The following CSMD1 variants were observed in gnomAD, a reference collection of about 807,000 sequenced individuals.
CSMD1 encodes the protein CUB and Sushi multiple domains 1.
Under a neutral mutation model 417.5 loss-of-function variants are expected in CSMD1, and 213 were observed. The observed-to-expected ratio is 0.51, with a 90% CI of 0.46 to 0.57. CSMD1 has a LOEUF of 0.57. Among genes scored for constraint, CSMD1 ranks in the 20% least tolerant of loss-of-function variants. CSMD1 has a pLI of 0.00. For synonymous variants in CSMD1, 2,862 were observed against 1,736.8 expected (o/e 1.65, Z -16.11); for missense variants, 6,923 against 4,529.7 (o/e 1.53, Z -15.17).
At chr8:4,331,667 T>C (rs530334988) in intron 3 of CSMD1, among the ~76,000 whole-genome samples, 19 of 152,118 alleles carry the variant, frequency 1.2e-4, no homozygotes, top group Non-Finnish European at 2.5e-4. Flanking sequence ...AAGGTAGCCA[T>C]CCCAGAGGCC....
intron 2 of CSMD1, among the ~76,000 whole-genome samples, chr8:4,485,288 A>T (rs534563287): frequency 1.7e-4 from 26 of 152,314 alleles, no homozygotes; most frequent in African/African-American, 5.8e-4. Flanking sequence ...GTCAGCTGAG[A>T]ACATTTATCC....
intron 1 of CSMD1, among the ~76,000 whole-genome samples, chr8:4,673,828 G>A (rs1234251189): frequency 1.3e-5 from 2 of 152,162 alleles, no homozygotes; most frequent in South Asian, 2.1e-4. Context: ...GAGACTAAAA[G>A]CAATTGAGTG....
At chr8:3,042,367 G>A (rs1811158527) in intron 50 of CSMD1, among the ~76,000 whole-genome samples, 1 of 152,140 alleles carries the variant, frequency 6.6e-6, no homozygotes, top group African/African-American at 2.4e-5. Context: ...GAAGAGAGAG[G>A]TGGATATGTA....
chr8:4,536,293 A>C (rs946892686), intron 2 of CSMD1, among the ~76,000 whole-genome samples: 4 of 152,194 alleles, frequency 2.6e-5, no homozygotes, highest in African/African-American at 4.8e-5. Flanking sequence ...CTATTAAAAA[A>C]AATCTAGTTT....
intron 37 of CSMD1, among the ~76,000 whole-genome samples, chr8:3,170,447 A>G (rs960111476): frequency 1.2e-4 from 18 of 152,266 alleles, no homozygotes; most frequent in Admixed American, 3.3e-4. Flanking sequence ...TGACCTTGTC[A>G]TCCGCCCGCC....
chr8:3,840,582 A>C (rs537513570), intron 5 of CSMD1, among the ~76,000 whole-genome samples: 51 of 152,138 alleles, frequency 3.4e-4, no homozygotes, highest in Non-Finnish European at 6.3e-4. Flanking sequence ...TTTCAAGTTA[A>C]AACATGTGAG....
chr8:3,736,705 A>T (rs1796539342), intron 6 of CSMD1, among the ~76,000 whole-genome samples: 1 of 152,170 alleles, frequency 6.6e-6, no homozygotes, highest in Non-Finnish European at 1.5e-5. Context: ...GGGGATAAGG[A>T]CACACCTGCT....
intron 1 of CSMD1, among the ~76,000 whole-genome samples, chr8:4,922,287 T>C (rs1405589429): frequency 6.6e-6 from 1 of 152,164 alleles, no homozygotes; most frequent in Non-Finnish European, 1.5e-5. Flanking sequence ...AAGGTATAAA[T>C]AGGCATCATT....
At chr8:4,441,759 C>A (rs541925870) in intron 2 of CSMD1, among the ~76,000 whole-genome samples, 2 of 152,044 alleles carry the variant, frequency 1.3e-5, no homozygotes, top group African/African-American at 4.8e-5. Context: ...GCATTGCAGT[C>A]CATTTGACTG....
At chr8:3,781,313 T>C in intron 5 of CSMD1, among the ~76,000 whole-genome samples, 1 of 152,156 alleles carries the variant, frequency 6.6e-6, no homozygotes, top group African/African-American at 2.4e-5. Context: ...TTCATACATG[T>C]CTTTGTTCTT....
At chr8:4,816,634 C>T (rs1799224079) in intron 1 of CSMD1, among the ~76,000 whole-genome samples, 1 of 152,136 alleles carries the variant, frequency 6.6e-6, no homozygotes, top group Non-Finnish European at 1.5e-5. Context: ...ACACCTGTTC[C>T]CGACCGTATG....
At chr8:4,258,129 G>C (rs1195008023) in intron 3 of CSMD1, among the ~76,000 whole-genome samples, 1 of 150,832 alleles carries the variant, frequency 6.6e-6, no homozygotes, top group Non-Finnish European at 1.5e-5. Context: ...ATTTTTAGTA[G>C]AGATGAGGTC....
At chr8:4,831,453 T>A (rs1034351833) in intron 1 of CSMD1, among the ~76,000 whole-genome samples, 1 of 152,236 alleles carries the variant, frequency 6.6e-6, no homozygotes, top group Non-Finnish European at 1.5e-5. Flanking sequence ...GTACATTCTA[T>A]GTGCCAAGCA....
At chr8:3,020,430 A>C (rs1160670253) in intron 51 of CSMD1, among the ~76,000 whole-genome samples, 3 of 152,182 alleles carry the variant, frequency 2.0e-5, no homozygotes, top group African/African-American at 4.8e-5. Context: ...GCAGTGGTAC[A>C]ATTGTAGCTC....
rs557878627 is a variant in CSMD1, at chr8:4,453,943, T to G, written c.303-33878A>C. Among the ~76,000 whole-genome samples the G allele has an allele frequency of 3.5e-5, 5 of 142,680 alleles. No individual in the cohort carries two copies. In the South Asian group the frequency reaches 1.2e-3, roughly 35 times the overall value. 93.6% of individuals were successfully genotyped at this position (142,680 alleles called of 152,430 possible). On this transcript the variant is annotated intron_variant, in intron 2 of 69. Coordinates refer to ENST00000635120, the MANE Select transcript of CSMD1 (RefSeq NM_033225.6). ...TTCACAGCATTCTCCTGCCTCAGCCTCCCGAGTAGCTGGGACTACAGGCGC... is the reference window on the plus strand; with the variant it reads ...TTCACAGCATTCTCCTGCCTCAGCCGCCCGAGTAGCTGGGACTACAGGCGC...
chr8:3,088,524 G>A (rs895578564), intron 48 of CSMD1, among the ~76,000 whole-genome samples: 1 of 152,084 alleles, frequency 6.6e-6, no homozygotes, highest in Non-Finnish European at 1.5e-5. Context: ...TCATAGTGGT[G>A]CCCAGAAGCA....
intron 12 of CSMD1, among the ~76,000 whole-genome samples, chr8:3,428,944 A>G (rs1405805826): frequency 6.6e-6 from 1 of 152,330 alleles, no homozygotes; most frequent in East Asian, 1.9e-4. Context: ...TGACAGAAAG[A>G]CAAGCACATC....
intron 69 of CSMD1, 47 bp downstream of exon 69, chr8:2,942,425 T>G (rs752857280): frequency 1.3e-6 from 2 of 1,550,930 alleles, no homozygotes; most frequent in Admixed American, 1.8e-5. Context: ...TTTAAACCCA[T>G]AGTTTACACT....
intron 3 of CSMD1, among the ~76,000 whole-genome samples, chr8:4,268,649 C>G (rs1286181178): frequency 2.6e-5 from 4 of 152,048 alleles, no homozygotes; most frequent in African/African-American, 9.7e-5. Context: ...CTAAAAATCT[C>G]TGTAAATTCC....
Sources: allele counts gnomAD v4.1 joint callset (sites outside exome capture counted in the v4.1 genomes callset), GRCh38; gene constraint gnomAD v4.1.1; transcripts MANE v1.5; gene names NCBI Gene and HGNC (gene_info 2026-07-23, HGNC 2026-07-21).